Variants in ZNF12 observed in about 807,000 individuals in gnomAD.
ZNF12 encodes the protein zinc finger protein 12.
A neutral mutation model predicts 66.6 loss-of-function variants in ZNF12; 34 were observed. The ratio of observed to expected loss-of-function variants is 0.51; its 90% CI spans 0.39 to 0.68. The LOEUF (loss-of-function observed/expected upper bound fraction) is 0.68. Among genes scored for constraint, ZNF12 ranks in the 30% least tolerant of loss-of-function variants. The probability of loss-of-function intolerance (pLI) is 0.00; values close to 1 mark genes in which losing one functional copy is unlikely to be tolerated. For synonymous variants in ZNF12, 320 were observed against 278.9 expected (o/e 1.15, Z -1.47); for missense variants, 697 against 826.9 (o/e 0.84, Z 1.93).
chr7:6,703,505 T>G (rs1780291906), intron 2 of ZNF12, among the ~76,000 whole-genome samples: 1 of 152,154 alleles, frequency 6.6e-6, no homozygotes, highest in South Asian at 2.1e-4. Flanking sequence ...CCCATCTTTC[T>G]CGATAGGGCT....
Position 6,691,781 on chromosome 7 carries a change from C to T in ZNF12, c.1161G>A (p.Gly387=). ...GERPYVCHDC[G]KTFSQKSALN... Reference sequence around the variant, plus strand: ...GTGCTGACTTCTGCGAGAAGGTTTTCCCACAGTCATGACAAACATAAGGTC... The same window carrying T: ...GTGCTGACTTCTGCGAGAAGGTTTTTCCACAGTCATGACAAACATAAGGTC... Residue 387 remains glycine, a synonymous_variant, in exon 5 of 5, where the codon GGG becomes GGA. Transcript: ENST00000405858. The T allele has an allele frequency of 6.2e-7, 1 of 1,613,878 alleles. No homozygotes were observed. The highest frequency in any genetic ancestry group is 8.5e-7 in the Non-Finnish European group (1 of 1,179,858).
In ZNF12 at chr7:6,697,369, C is replaced by G. The variant is rs1302176109; in HGVS notation, c.208G>C (p.Glu70Gln). 1.9e-6 allele frequency: 3 copies of G among 1,611,694 alleles called. No homozygotes were observed. Among genetic ancestry groups the G allele is most frequent in the Non-Finnish European group, 2.5e-6 (3 of 1,179,024 alleles). ...LEQGEEPWIV[E>Q]GEFLLQSYPD... ...TAGCTCTGAAGTAGGAATTCTCCTT[C>G]TACTATCCATGGCTCTTCTCCTTGC... Residue 70 changes from glutamate to glutamine, a missense_variant, in exon 4 of 5, where the codon GAA becomes CAA. This residue lies in a region of ZNF12 where 55 missense variants were observed against 83.9 expected (regional missense o/e 0.66). Transcript: ENST00000405858. This position sits in a 1 kb window ranked among gnomAD's most constrained non-coding sequence, Gnocchi z 6.1.
In ZNF12 at chr7:6,692,481, A is replaced by G; in HGVS notation, c.461T>C (p.Ile154Thr). ...TCTTGCATAGCTTCCATCACTACTA[A>G]TATATTCTGAAACAGACGTTAAACA... ...EKCLTSVSEY[I>T]SSDGSYARMK... is the part of the protein sequence containing the mutation. The change falls in exon 5 of 5, where the codon ATT becomes ACT. Residue 154 changes from isoleucine to threonine, a missense_variant. Around this residue, in one of 3 missense-constraint regions of ZNF12, gnomAD observed 241 missense variants for 224.0 expected, o/e 1.08. Transcript: ENST00000405858. The surrounding 1 kb of genome is among the most constrained non-coding windows in gnomAD (Gnocchi z 5.1). The G allele has an allele frequency of 1.2e-6, 2 of 1,613,310 alleles. No homozygotes were observed. Among genetic ancestry groups the G allele is most frequent in the East Asian group, 2.2e-5 (1 of 44,858 alleles).
At position 6,697,993 on chromosome 7, in the gene ZNF12, A is replaced by T. The variant is rs1780178564; in HGVS notation, c.16-182T>A. ...TTCTGGGGTTCATTCAGTATACATCAAACAAAAAACAAAAAACAAAAAAAC... is the reference window on the plus strand; with the variant it reads ...TTCTGGGGTTCATTCAGTATACATCTAACAAAAAACAAAAAACAAAAAAAC... On this transcript the variant is annotated intron_variant, in intron 2 of 4. Coordinates refer to ENST00000405858, the MANE Select transcript of ZNF12 (RefSeq NM_016265.4). The surrounding 1 kb of genome is among the most constrained non-coding windows in gnomAD (Gnocchi z 6.1). 1 of 803,002 alleles carries T rather than the reference A, an allele frequency of 1.2e-6. No homozygotes were observed. Among genetic ancestry groups the T allele is most frequent in the African/African-American group, 1.7e-5 (1 of 59,830 alleles). 49.7% of individuals were successfully genotyped at this position (803,002 alleles called of 1,614,324 possible).
Position 6,705,061 on chromosome 7 carries a change from A to G in ZNF12, c.15+98T>C. On this transcript the variant is annotated intron_variant, in intron 2 of 4. Transcript: ENST00000405858. This position sits in a 1 kb window ranked among gnomAD's most constrained non-coding sequence, Gnocchi z 4.0. Reference sequence around the variant, plus strand: ...TTCTGTCTGACCAAATCTTGTATCTATTTCTACTTTCCCATTTTAAACTTT... The same window carrying G: ...TTCTGTCTGACCAAATCTTGTATCTGTTTCTACTTTCCCATTTTAAACTTT... The G allele has an allele frequency of 1.4e-6, 2 of 1,416,126 alleles. No homozygotes were observed. Among genetic ancestry groups the G allele is most frequent in the East Asian group, 2.4e-5 (1 of 41,762 alleles). 87.7% of individuals were successfully genotyped at this position (1,416,126 alleles called of 1,614,324 possible).
rs1780073789 is a variant in ZNF12, at chr7:6,691,848, T to C, written c.1094A>G (p.Lys365Arg). ...TCTCTGATGTTGTGTGAGGTGTGTCTTCTGGCAAAAGGATTTTCCACAATA... is the reference window on the plus strand; with the variant it reads ...TCTCTGATGTTGTGTGAGGTGTGTCCTCTGGCAAAAGGATTTTCCACAATA... ...CSYCGKSFCQ[K>R]THLTQHQRTH... is the part of the protein sequence containing the mutation. Residue 365 changes from lysine to arginine, a missense_variant, in exon 5 of 5, where the codon AAG (lysine) becomes AGG (arginine). By Grantham distance (26) the Lys-to-Arg change is conservative. Around this residue, in one of 3 missense-constraint regions of ZNF12, gnomAD observed 401 missense variants for 519.0 expected, o/e 0.77. Transcript: ENST00000405858. 1 of 1,614,034 alleles carries C rather than the reference T, an allele frequency of 6.2e-7. No individual in the cohort carries two copies. The highest frequency in any genetic ancestry group is 1.3e-5 in the African/African-American group (1 of 74,920).
chr7:6,699,533 T>C (rs1281727547), intron 2 of ZNF12, among the ~76,000 whole-genome samples: 7 of 152,212 alleles, frequency 4.6e-5, no homozygotes, highest in Non-Finnish European at 8.8e-5. Flanking sequence ...TGATGAGAAC[T>C]TCCTGGGGAG....
At chr7:6,704,485 T>G (rs999831397) in intron 2 of ZNF12, among the ~76,000 whole-genome samples, 1 of 149,718 alleles carries the variant, frequency 6.7e-6, no homozygotes, top group Non-Finnish European at 1.5e-5. Flanking sequence ...GCTCAGCACT[T>G]TGGGAGGCCG....
intron 2 of ZNF12, among the ~76,000 whole-genome samples, chr7:6,702,466 C>CACACACACAA (rs1562602187): frequency 1.9e-5 from 2 of 103,012 alleles, no homozygotes; most frequent in African/African-American, 4.0e-5. Flanking sequence ...TCCACACGCA[C>CACACACACAA]CAGATTCGTC....
intron 2 of ZNF12, among the ~76,000 whole-genome samples, chr7:6,699,130 T>A (rs1780195353): frequency 6.6e-6 from 1 of 152,172 alleles, no homozygotes; most frequent in South Asian, 2.1e-4. Context: ...CATAAAACAG[T>A]GTCTGTGTGT....
intron 4 of ZNF12, among the ~76,000 whole-genome samples, chr7:6,694,621 C>T (rs575944775): frequency 6.6e-6 from 1 of 152,142 alleles, no homozygotes; most frequent in Non-Finnish European, 1.5e-5. Flanking sequence ...ATCTCTTATC[C>T]TTGCCTTATG....
At chr7:6,693,824 G>C (rs1780112520) in intron 4 of ZNF12, among the ~76,000 whole-genome samples, 2 of 152,164 alleles carry the variant, frequency 1.3e-5, no homozygotes, top group African/African-American at 4.8e-5. Flanking sequence ...TTAATTCTCA[G>C]TGTGAGTGCT....
chr7:6,699,882 G>T (rs561320060), intron 2 of ZNF12, among the ~76,000 whole-genome samples: 1 of 152,086 alleles, frequency 6.6e-6, no homozygotes, highest in African/African-American at 2.4e-5. Flanking sequence ...TGAGTAAAGA[G>T]ACCACATATA....
In ZNF12 at chr7:6,691,205, A is replaced by G. The variant is rs759950262; in HGVS notation, c.1737T>C (p.Cys579=). The G allele has an allele frequency of 1.9e-6, 3 of 1,613,972 alleles. No individual in the cohort carries two copies. The East Asian group carries it at 6.7e-5, about 36-fold the overall frequency. The part of the protein sequence containing the change: ...RIHSGEKPYE[C]SECGKTFCQN... ...GGCAGAAGGTTTTCCCACATTCACT[A>G]CATTCATAGGGCTTCTCTCCTGAAT... is the stretch of plus-strand genomic sequence containing the variant. Residue 579 remains cysteine, a synonymous_variant, in exon 5 of 5, where the codon TGT becomes TGC. Coordinates refer to ENST00000405858, the MANE Select transcript of ZNF12 (RefSeq NM_016265.4).
chr7:6,688,900 A>C lies in ZNF12; in HGVS notation c.*1948T>G, dbSNP rs939507921. On this transcript the variant is annotated 3_prime_UTR_variant, in exon 5 of 5. Transcript: ENST00000405858. This position sits in a 1 kb window ranked among gnomAD's most constrained non-coding sequence, Gnocchi z 4.3. ...TATGCCTAACATTGTGTCACGTTCC[A>C]AAGGTGAATTTTGCAGGTCAACGAT... 6.5e-6 allele frequency: 1 copy of C among 152,682 alleles called. No homozygotes were observed. The highest frequency in any genetic ancestry group is 1.5e-5 in the Non-Finnish European group (1 of 68,042). 9.5% of individuals were successfully genotyped at this position (152,682 alleles called of 1,614,324 possible). A position where few individuals can be genotyped will look rare whatever the true frequency, so the allele number is the denominator to read the frequency against.
Position 6,689,147 on chromosome 7 carries a change from G to A in ZNF12, c.*1701C>T, listed in dbSNP as rs1780029549. The A allele has an allele frequency of 1.3e-5, 2 of 152,196 alleles. No homozygotes were observed. Among genetic ancestry groups the A allele is most frequent in the South Asian group, 4.1e-4 (2 of 4,828 alleles). The allele number at this position is 152,196 out of a possible 1,614,324, so 9.4% of individuals were successfully genotyped here. On this transcript the variant is annotated 3_prime_UTR_variant, in exon 5 of 5. Coordinates refer to ENST00000405858, the MANE Select transcript of ZNF12 (RefSeq NM_016265.4). ...GTAATAGAGCATCCTAAATCAACTG[G>A]CTTAAAAATAAGTTTAGTCTCTCAC...
At chr7:6,700,234 G>C (rs567246908) in intron 2 of ZNF12, among the ~76,000 whole-genome samples, 1 of 150,426 alleles carries the variant, frequency 6.6e-6, no homozygotes, top group East Asian at 2.0e-4. Context: ...GCAGTGAGCC[G>C]AGATCGAGCC....
chr7:6,692,785 A>G lies in ZNF12; in HGVS notation c.239-82T>C. On this transcript the variant is annotated intron_variant, in intron 4 of 4. Transcript: ENST00000405858. The surrounding 1 kb of genome is among the most constrained non-coding windows in gnomAD (Gnocchi z 5.1). ...GGAATGAGATTCATGATTTGTACAC[A>G]CGCATCTCATTGTGAGTAGATGCTA... 3 of 1,346,526 alleles carry G rather than the reference A, an allele frequency of 2.2e-6. No individual in the cohort carries two copies. The highest frequency in any genetic ancestry group is 3.0e-6 in the Non-Finnish European group (3 of 996,162). The allele number at this position is 1,346,526 out of a possible 1,614,324, so 83.4% of individuals were successfully genotyped here. A position where few individuals can be genotyped will look rare whatever the true frequency, so the allele number is the denominator to read the frequency against.
intron 4 of ZNF12, among the ~76,000 whole-genome samples, chr7:6,694,821 G>A (rs543334927): frequency 6.6e-6 from 1 of 152,046 alleles, no homozygotes; most frequent in Non-Finnish European, 1.5e-5. Context: ...CCTTGAAGTT[G>A]AGAATACTGT....
Sources: allele counts gnomAD v4.1 joint callset (sites outside exome capture counted in the v4.1 genomes callset), GRCh38; gene constraint gnomAD v4.1.1; regional missense constraint gnomAD v4.1.1; non-coding constraint Gnocchi (gnomAD v3.1); transcripts MANE v1.5; gene names NCBI Gene and HGNC (gene_info 2026-07-23, HGNC 2026-07-21).